The following PDE1C variants were observed in gnomAD, a reference collection of about 807,000 sequenced individuals.
The protein encoded by PDE1C is phosphodiesterase 1C.
In PDE1C, 62 loss-of-function variants were observed where a neutral mutation model predicts 93.1. The observed-to-expected ratio is 0.67, with a 90% CI of 0.54 to 0.82. The LOEUF (loss-of-function observed/expected upper bound fraction) is 0.82. Among genes scored for constraint, PDE1C ranks in the 40% least tolerant of loss-of-function variants. The pLI is 0.00. For synonymous variants in PDE1C, 325 were observed against 310.1 expected (o/e 1.05, Z -0.50); for missense variants, 742 against 884.6 (o/e 0.84, Z 2.04).
chr7:31,694,387 AAC>A, the PDE1C span, among the ~76,000 whole-genome samples: 290 of 141,078 alleles, frequency 2.1e-3, no homozygotes, highest in East Asian at 4.6e-3. Flanking sequence ...CTCTCTCTCA[AAC>A]ACACACACAC....
intron 1 of PDE1C, among the ~76,000 whole-genome samples, chr7:32,266,454 T>A (rs1342211707): frequency 6.6e-6 from 1 of 150,884 alleles, no homozygotes; most frequent in Non-Finnish European, 1.5e-5. Flanking sequence ...TGAGCCGAGA[T>A]CACACCACTG....
rs981233926 is a variant in PDE1C, at chr7:32,178,569, C to T, written c.137-8613G>A. ...CCCCATGAGGGAAATCTTAGGTAAA[C>T]TAAGCCTTCAGGGCACCAAAAATAA... On this transcript the variant is annotated intron_variant, in intron 2 of 18. Coordinates refer to the PDE1C transcript ENST00000396193. 2.6e-5 allele frequency among the ~76,000 whole-genome samples: 4 copies of T among 152,170 alleles called. No individual in the cohort carries two copies. In the East Asian group the frequency reaches 7.7e-4, roughly 29 times the overall value.
chr7:32,154,755 G>T (rs1584868852), intron 3 of PDE1C, among the ~76,000 whole-genome samples: 1 of 152,230 alleles, frequency 6.6e-6, no homozygotes, highest in Non-Finnish European at 1.5e-5. Context: ...CACCACTGTG[G>T]TCACAGCAGA....
the PDE1C span, chr7:31,652,918 G>T: frequency 1.1e-5 from 17 of 1,535,922 alleles, no homozygotes; most frequent in Non-Finnish European, 1.4e-5. Context: ...AAGGAGAAGG[G>T]TCTGCCAACC....
At chr7:31,929,364 T>C (rs541040855) in intron 2 of PDE1C, among the ~76,000 whole-genome samples, 2 of 152,172 alleles carry the variant, frequency 1.3e-5, no homozygotes, top group African/African-American at 2.4e-5. Context: ...CCACTGTCAA[T>C]ATCAGACAGA....
At chr7:32,176,101 A>G (rs1200418850) in intron 2 of PDE1C, among the ~76,000 whole-genome samples, 2 of 152,260 alleles carry the variant, frequency 1.3e-5, no homozygotes, top group African/African-American at 2.4e-5. Context: ...GAATTTTCAA[A>G]AAATTATCCT....
intron 2 of PDE1C, among the ~76,000 whole-genome samples, chr7:32,181,114 T>C (rs1416862497): frequency 2.0e-5 from 3 of 152,314 alleles, no homozygotes; most frequent in Admixed American, 1.3e-4. Flanking sequence ...AAAACTTATA[T>C]GCACCCAATA....
At chr7:32,100,556 T>C (rs1452307317) in intron 3 of PDE1C, among the ~76,000 whole-genome samples, 2 of 152,236 alleles carry the variant, frequency 1.3e-5, no homozygotes, top group African/African-American at 4.8e-5. Flanking sequence ...GCAGTGTAAA[T>C]GCCGTTAGAG....
intron 2 of PDE1C, among the ~76,000 whole-genome samples, chr7:31,947,111 T>C (rs7792024): frequency 0.058 from 8,797 of 152,214 alleles, 397 homozygotes; most frequent in African/African-American, 0.13. Context: ...ACATGGCCTG[T>C]GTCTTTCAGC....
chr7:31,758,167 G>A (rs1583947123), intron 17 of PDE1C, among the ~76,000 whole-genome samples: 1 of 152,118 alleles, frequency 6.6e-6, no homozygotes, highest in East Asian at 1.9e-4. Flanking sequence ...GGAGGCAGAA[G>A]GATAGCATTA....
At chr7:32,394,193 T>C (rs905078972) in intron 1 of PDE1C, among the ~76,000 whole-genome samples, 4 of 152,234 alleles carry the variant, frequency 2.6e-5, no homozygotes, top group African/African-American at 9.6e-5. Context: ...GAAATGTCTC[T>C]CTGATTAAAT....
At chr7:32,134,015 T>C (rs1432882959) in intron 3 of PDE1C, among the ~76,000 whole-genome samples, 1 of 151,894 alleles carries the variant, frequency 6.6e-6, no homozygotes, top group African/African-American at 2.4e-5. Flanking sequence ...AAATTTAAAA[T>C]TTCCTGATGG....
intron 6 of PDE1C, among the ~76,000 whole-genome samples, chr7:31,870,359 A>C (rs1795792071): frequency 6.6e-6 from 1 of 151,992 alleles, no homozygotes; most frequent in African/African-American, 2.4e-5. Context: ...ATTGCTAGCT[A>C]GACTAACAAA....
chr7:31,925,491 T>C (rs1803258196), intron 2 of PDE1C, among the ~76,000 whole-genome samples: 1 of 151,966 alleles, frequency 6.6e-6, no homozygotes, highest in Non-Finnish European at 1.5e-5. Context: ...AAAGAAAAGA[T>C]GTCCAATGTG....
chr7:31,637,583 T>A, the PDE1C span, among the ~76,000 whole-genome samples: 4 of 150,376 alleles, frequency 2.7e-5, no homozygotes, highest in Admixed American at 6.6e-5. Context: ...TTGATGGGGT[T>A]GTTTGTTTTT....
the PDE1C span, among the ~76,000 whole-genome samples, chr7:31,736,397 G>T: frequency 6.6e-6 from 1 of 152,122 alleles, no homozygotes; most frequent in African/African-American, 2.4e-5. Flanking sequence ...CCAAACTGGA[G>T]ACCCAGGTTC....
At chr7:31,881,246 C>A (rs527816009) in intron 2 of PDE1C, among the ~76,000 whole-genome samples, 6 of 152,232 alleles carry the variant, frequency 3.9e-5, no homozygotes, top group African/African-American at 1.4e-4. Context: ...GGCACTTGGT[C>A]CAGCAGTGGC....
chr7:31,753,606 C>G (rs1794252012), intron 17 of PDE1C, 53 bp from the exon 18 acceptor site: 8 of 1,561,136 alleles, frequency 5.1e-6, no homozygotes, highest in Non-Finnish European at 6.1e-6. Context: ...CCACGACATG[C>G]CACAACCTAA....
chr7:31,688,402 C>T, the PDE1C span, among the ~76,000 whole-genome samples: 1 of 152,216 alleles, frequency 6.6e-6, no homozygotes, highest in Non-Finnish European at 1.5e-5. Context: ...ATTCTCACAT[C>T]CAACTGAGAA....
Sources: gnomAD v4.1 joint callset for allele counts (sites outside exome capture counted in the v4.1 genomes callset) on GRCh38, gnomAD v4.1.1 for gene constraint, MANE v1.5 for transcripts, NCBI Gene and HGNC (gene_info 2026-07-23, HGNC 2026-07-21) for gene names.